Variants in NHERF1 observed in about 807,000 individuals in gnomAD.
NHERF1 encodes the protein Na(+)/H(+) exchange regulatory cofactor NHE-RF1.
chr17:74,767,913 G>A, the NHERF1 span: 3 of 649,288 alleles, frequency 4.6e-6, no homozygotes, highest in South Asian at 4.5e-5. Flanking sequence ...ATGATGGTCT[G>A]TTCCCATCCC....
chr17:74,750,849 C>T, the NHERF1 span, among the ~76,000 whole-genome samples: 4 of 122,036 alleles, frequency 3.3e-5, no homozygotes, highest in African/African-American at 1.2e-4. Context: ...TGCCAGAGGG[C>T]CTGGGAGGCG....
chr17:74,768,518 TACC>T, the NHERF1 span: 1 of 1,614,000 alleles, frequency 6.2e-7, no homozygotes, highest in Non-Finnish European at 8.5e-7. Context: ...CGCCCTCGTC[TACC>T]TCCTCCTCCG....
the NHERF1 span, among the ~76,000 whole-genome samples, chr17:74,765,487 T>C: frequency 6.6e-6 from 1 of 151,804 alleles, no homozygotes; most frequent in African/African-American, 2.4e-5. Context: ...CTCGATCTCT[T>C]GACCTTGTGA....
At chr17:74,764,442 G>C in the NHERF1 span, among the ~76,000 whole-genome samples, 1 of 152,184 alleles carries the variant, frequency 6.6e-6, no homozygotes, top group African/African-American at 2.4e-5. The surrounding 1 kb of genome is among the most constrained non-coding windows in gnomAD (Gnocchi z 4.9). Flanking sequence ...ATGGGAGGTG[G>C]GGTACCGCCT....
the NHERF1 span, chr17:74,748,729 G>A: frequency 3.3e-6 from 3 of 916,618 alleles, no homozygotes; most frequent in Non-Finnish European, 4.8e-6. The surrounding 1 kb of genome is among the most constrained non-coding windows in gnomAD (Gnocchi z 4.3). Context: ...TGGCCCGTCC[G>A]GCGGCTCAGG....
At chr17:74,750,131 G>C in the NHERF1 span, among the ~76,000 whole-genome samples, 2 of 152,224 alleles carry the variant, frequency 1.3e-5, no homozygotes, top group Non-Finnish European at 2.9e-5. Context: ...ACGGTGAGCC[G>C]GTGGTCTTGC....
chr17:74,767,082 C>A, the NHERF1 span: 1 of 965,630 alleles, frequency 1.0e-6, no homozygotes, highest in Non-Finnish European at 1.7e-6. Context: ...AGGCCAAAAC[C>A]CCAGGGTCCC....
the NHERF1 span, among the ~76,000 whole-genome samples, chr17:74,755,808 G>GT: frequency 6.6e-6 from 1 of 152,152 alleles, no homozygotes; most frequent in Non-Finnish European, 1.5e-5. Flanking sequence ...GACGTGCTGT[G>GT]TGTGCAAAAT....
the NHERF1 span, chr17:74,749,400 G>A: frequency 2.8e-6 from 3 of 1,064,974 alleles, no homozygotes; most frequent in Non-Finnish European, 3.9e-6. This position sits in a 1 kb window ranked among gnomAD's most constrained non-coding sequence, Gnocchi z 5.6. Context: ...TGAAACTCGA[G>A]CTGCGAGGGG....
chr17:74,762,275 G>A, the NHERF1 span: 4 of 1,211,704 alleles, frequency 3.3e-6, no homozygotes, highest in Non-Finnish European at 4.8e-6. This position sits in a 1 kb window ranked among gnomAD's most constrained non-coding sequence, Gnocchi z 4.2. Flanking sequence ...TTAGCCCACG[G>A]GCATAGCCAA....
chr17:74,768,611 G>A, the NHERF1 span: 26 of 1,613,986 alleles, frequency 1.6e-5, no homozygotes, highest in Admixed American at 8.3e-5. Context: ...AACGGGCCCC[G>A]CAGATGGACT....
chr17:74,755,263 C>G, the NHERF1 span, among the ~76,000 whole-genome samples: 1 of 152,178 alleles, frequency 6.6e-6, no homozygotes, highest in Non-Finnish European at 1.5e-5. Flanking sequence ...GCAGGGCATC[C>G]TTGCAGTGCC....
At chr17:74,756,273 CTTTTTTTT>C in the NHERF1 span, among the ~76,000 whole-genome samples, 1 of 71,992 alleles carries the variant, frequency 1.4e-5, no homozygotes, top group Non-Finnish European at 2.5e-5. Flanking sequence ...TTCTTTCTTT[CTTTTTTTT>C]TTTTTTTTTT....
chr17:74,768,451 CCCA>C, the NHERF1 span: 2 of 1,613,882 alleles, frequency 1.2e-6, no homozygotes, highest in African/African-American at 1.3e-5. Flanking sequence ...ACTTCCTGCC[CCCA>C]CTTCTCTTTA....
the NHERF1 span, among the ~76,000 whole-genome samples, chr17:74,766,527 T>C: frequency 1.3e-5 from 2 of 151,998 alleles, no homozygotes; most frequent in Non-Finnish European, 2.9e-5. Flanking sequence ...TTTTTTTTAA[T>C]GAAATGAAAT....
At chr17:74,758,909 A>G in the NHERF1 span, among the ~76,000 whole-genome samples, 3 of 152,228 alleles carry the variant, frequency 2.0e-5, no homozygotes, top group South Asian at 2.1e-4. This position sits in a 1 kb window ranked among gnomAD's most constrained non-coding sequence, Gnocchi z 4.3. Context: ...GGCTGCCCCA[A>G]GGGACTCCCC....
At chr17:74,760,945 C>T in the NHERF1 span, among the ~76,000 whole-genome samples, 1 of 152,308 alleles carries the variant, frequency 6.6e-6, no homozygotes, top group Admixed American at 6.5e-5. This position sits in a 1 kb window ranked among gnomAD's most constrained non-coding sequence, Gnocchi z 4.5. Flanking sequence ...ACAGGGCCAG[C>T]AGGCTGGACA....
chr17:74,762,043 A>G, the NHERF1 span: 1 of 1,614,106 alleles, frequency 6.2e-7, no homozygotes, highest in Middle Eastern at 1.6e-4. The surrounding 1 kb of genome is among the most constrained non-coding windows in gnomAD (Gnocchi z 4.2). Flanking sequence ...TGTACCATGA[A>G]GAAGGGCCCC....
the NHERF1 span, among the ~76,000 whole-genome samples, chr17:74,752,116 G>A: frequency 1.3e-5 from 2 of 152,194 alleles, no homozygotes; most frequent in Admixed American, 6.5e-5. Flanking sequence ...GTCAGTGCCT[G>A]ATCGATGGTC....
Sources: allele counts gnomAD v4.1 joint callset (sites outside exome capture counted in the v4.1 genomes callset), GRCh38; gene constraint gnomAD v4.1.1; non-coding constraint Gnocchi (gnomAD v3.1); transcripts MANE v1.5; gene names NCBI Gene and HGNC (gene_info 2026-07-23, HGNC 2026-07-21).